The following GRM7 variants were observed in gnomAD, a reference collection of about 807,000 sequenced individuals.
GRM7 encodes the protein metabotropic glutamate receptor 7.
In GRM7, 35 loss-of-function variants were observed where a neutral mutation model predicts 84.5. The ratio of observed to expected loss-of-function variants is 0.41; its 90% confidence interval spans 0.32 to 0.55. The LOEUF is 0.55. GRM7 is among the 20% of genes least tolerant of loss of function. GRM7 has a pLI of 0.19. For synonymous variants in GRM7, 487 were observed against 455.1 expected (o/e 1.07, Z -0.89); for missense variants, 1,003 against 1,194.6 (o/e 0.84, Z 2.36).
chr3:7,025,258 C>G (rs1695938786), intron 1 of GRM7, among the ~76,000 whole-genome samples: 1 of 152,188 alleles, frequency 6.6e-6, no homozygotes, highest in African/African-American at 2.4e-5. Flanking sequence ...CCACCTATGA[C>G]TTTAGTTCTC....
At chr3:6,897,784 C>A (rs2124997794) in intron 1 of GRM7, among the ~76,000 whole-genome samples, 1 of 152,268 alleles carries the variant, frequency 6.6e-6, no homozygotes, top group African/African-American at 2.4e-5. Context: ...CTGAAAAGGG[C>A]AATTTGAGCA....
chr3:7,423,105 A>G (rs556603345), intron 5 of GRM7, among the ~76,000 whole-genome samples: 3 of 152,248 alleles, frequency 2.0e-5, no homozygotes, highest in Admixed American at 1.3e-4. Flanking sequence ...TTCAAAGCAT[A>G]AAAAGGGGTC....
chr3:6,893,780 A>G, intron 1 of GRM7: 1 of 152,300 alleles, frequency 6.6e-6, no homozygotes, highest in South Asian at 2.1e-4. Context: ...TATTCTAACA[A>G]TAACACTAAT....
At chr3:6,972,438 A>G (rs778756151) in intron 1 of GRM7, among the ~76,000 whole-genome samples, 1 of 152,204 alleles carries the variant, frequency 6.6e-6, no homozygotes, top group East Asian at 1.9e-4. Flanking sequence ...AGGGTGGCTC[A>G]GAAATCCATA....
rs116111776 is a variant in GRM7 at position 7,171,484 on chromosome 3, T to C, written c.736+24816T>C. Among the ~76,000 whole-genome samples the C allele has an allele frequency of 9.6e-3, 1,466 of 152,292 alleles. 19 individuals are homozygous for C. Among genetic ancestry groups the C allele is most frequent in the African/African-American group, 0.031 (1,299 of 41,554 alleles). ...TGGGAGTCATAATTCAACTCACAGC[T>C]ATAGATTTTATGGCACCACACACTT... On this transcript the variant is annotated intron_variant, in intron 2 of 9. Coordinates refer to ENST00000357716, the MANE Select transcript of GRM7 (RefSeq NM_000844.4).
chr3:7,186,633 A>G (rs1236553282), intron 2 of GRM7, among the ~76,000 whole-genome samples: 4 of 152,138 alleles, frequency 2.6e-5, no homozygotes, highest in African/African-American at 9.7e-5. Context: ...CTGTCTGTCT[A>G]TCTAATCTAT....
At chr3:7,044,406 A>T (rs950957850) in intron 1 of GRM7, among the ~76,000 whole-genome samples, 3 of 152,174 alleles carry the variant, frequency 2.0e-5, no homozygotes, top group African/African-American at 7.2e-5. Flanking sequence ...GTGGAACGAG[A>T]GGTGATCTTT....
rs1698874648 is a variant in GRM7, at chr3:7,650,332, G to A, written c.2452-29717G>A. On this transcript the variant is annotated intron_variant, in intron 8 of 9. Coordinates refer to ENST00000357716, the MANE Select transcript of GRM7 (RefSeq NM_000844.4). ...GCCTCCCTTTCTGATCTGAACCCGG[G>A]TGATAGTAATGGTACCCATCTACCC... Among the ~76,000 whole-genome samples the A allele has an allele frequency of 2.0e-5, 3 of 152,130 alleles. No homozygotes were observed. In the South Asian group the frequency reaches 6.2e-4, roughly 31 times the overall value.
chr3:7,059,691 T>G (rs2124967520), intron 1 of GRM7, among the ~76,000 whole-genome samples: 1 of 151,838 alleles, frequency 6.6e-6, no homozygotes, highest in South Asian at 2.1e-4. Flanking sequence ...GAGGTTTGAT[T>G]TTTGGAAGGT....
chr3:7,671,827 ATTTCT>A (rs1403010019), intron 8 of GRM7, among the ~76,000 whole-genome samples: 1 of 151,990 alleles, frequency 6.6e-6, no homozygotes, highest in East Asian at 1.9e-4. Context: ...TTTACACATG[ATTTCT>A]TTTCATATTC....
At chr3:7,129,816 A>G (rs1170771760) in intron 1 of GRM7, among the ~76,000 whole-genome samples, 2 of 152,204 alleles carry the variant, frequency 1.3e-5, no homozygotes, top group Non-Finnish European at 2.9e-5. Context: ...GAGAAAGACA[A>G]AAACATATTT....
At chr3:7,386,789 A>G (rs1189856295) in intron 4 of GRM7, among the ~76,000 whole-genome samples, 1 of 152,150 alleles carries the variant, frequency 6.6e-6, no homozygotes, top group Non-Finnish European at 1.5e-5. Flanking sequence ...ACACCCAGTA[A>G]TTGGGACTAT....
intron 1 of GRM7, among the ~76,000 whole-genome samples, chr3:7,093,546 G>A (rs780067779): frequency 2.6e-5 from 4 of 151,070 alleles, no homozygotes; most frequent in African/African-American, 4.9e-5. Context: ...GCATGGTGAC[G>A]CATGCCTGTA....
chr3:6,907,822 C>G (rs914612332), intron 1 of GRM7, among the ~76,000 whole-genome samples: 1 of 152,108 alleles, frequency 6.6e-6, no homozygotes, highest in Admixed American at 6.6e-5. Context: ...CTTCATTCAA[C>G]CTTCTTCAGG....
intron 1 of GRM7, among the ~76,000 whole-genome samples, chr3:6,950,720 G>A (rs1004056287): frequency 6.6e-6 from 1 of 152,192 alleles, no homozygotes; most frequent in Admixed American, 6.5e-5. Flanking sequence ...CAAGCTTCAG[G>A]GCCGCTTTGT....
chr3:7,427,863 A>G (rs1288030075), intron 5 of GRM7, among the ~76,000 whole-genome samples: 1 of 152,228 alleles, frequency 6.6e-6, no homozygotes, highest in Admixed American at 6.5e-5. Flanking sequence ...GGTTAATGAC[A>G]TGACAGGCTC....
chr3:7,115,835 G>C (rs188913454), intron 1 of GRM7, among the ~76,000 whole-genome samples: 1 of 152,100 alleles, frequency 6.6e-6, no homozygotes, highest in Non-Finnish European at 1.5e-5. Context: ...TGTGTCAGAG[G>C]GTTGAAATGA....
intron 2 of GRM7, among the ~76,000 whole-genome samples, chr3:7,258,947 C>T (rs1442148544): frequency 6.6e-6 from 1 of 152,230 alleles, no homozygotes; most frequent in Non-Finnish European, 1.5e-5. Context: ...TTGTAAACTA[C>T]TTTACAAGAC....
intron 7 of GRM7, among the ~76,000 whole-genome samples, chr3:7,481,371 G>A (rs894844618): frequency 5.3e-5 from 8 of 152,150 alleles, no homozygotes; most frequent in African/African-American, 1.7e-4. Flanking sequence ...GGGATTATAT[G>A]CATGAAACAC....
Sources: allele counts gnomAD v4.1 joint callset (sites outside exome capture counted in the v4.1 genomes callset), GRCh38; gene constraint gnomAD v4.1.1; transcripts MANE v1.5; gene names NCBI Gene and HGNC (gene_info 2026-07-23, HGNC 2026-07-21).